Variants in SORCS2 observed in about 807,000 individuals in gnomAD.
The protein encoded by SORCS2 is VPS10 domain-containing receptor SorCS2.
SORCS2 carries 100 observed loss-of-function variants against 141.6 expected under a neutral mutation model. The ratio of observed to expected loss-of-function variants is 0.71; its 90% CI spans 0.60 to 0.83. The LOEUF is 0.83. Ranked by LOEUF, SORCS2 falls within the 40% of genes least tolerant of loss-of-function variation. The pLI is 0.00. For missense variants in SORCS2, 1,646 were observed against 1,560.2 expected (o/e 1.05, Z -0.93); for synonymous variants, 789 against 676.9 (o/e 1.17, Z -2.57).
intron 2 of SORCS2, among the ~76,000 whole-genome samples, chr4:7,507,740 C>T (rs1309970425): frequency 9.3e-6 from 1 of 107,408 alleles, no homozygotes; most frequent in Non-Finnish European, 2.1e-5. Flanking sequence ...CCATTTTGTA[C>T]TTCCAATGGG....
chr4:7,340,813 C>T (rs374396741), intron 1 of SORCS2, among the ~76,000 whole-genome samples: 3 of 152,338 alleles, frequency 2.0e-5, no homozygotes, highest in South Asian at 4.1e-4. Context: ...GCTTGGGACC[C>T]ATTGAGAAAT....
Position 7,677,874 on chromosome 4 carries a change from A to C in SORCS2, c.1341+1645A>C, listed in dbSNP as rs150505128. ...GCCCACCCCCACCCCTAGTGTCCCAAAGGCCCTGCCCTCTGAGCCTCTAGG... is the reference window on the plus strand; with the variant it reads ...GCCCACCCCCACCCCTAGTGTCCCACAGGCCCTGCCCTCTGAGCCTCTAGG... On this transcript the variant is annotated intron_variant, in intron 9 of 26. Transcript: ENST00000507866. Among the ~76,000 whole-genome samples the C allele has an allele frequency of 5.3e-5, 8 of 152,178 alleles. No individual in the cohort carries two copies. The South Asian group carries it at 1.2e-3, about 24-fold the overall frequency.
chr4:7,249,842 AG>A (rs1713365576), intron 1 of SORCS2, among the ~76,000 whole-genome samples: 1 of 152,158 alleles, frequency 6.6e-6, no homozygotes, highest in South Asian at 2.1e-4. Context: ...CTCTGGTAAA[AG>A]CTGGATTTAT....
rs189768238 is a variant in SORCS2 at position 7,334,701 on chromosome 4, C to T, written c.481-61587C>T. Among the ~76,000 whole-genome samples the T allele has an allele frequency of 4.4e-3, 673 of 152,224 alleles. 25 individuals carry two copies. The highest frequency in any genetic ancestry group is 0.038 in the Admixed American group (576 of 15,290). ...ACGGTCACTGCCTTCCTGTGGTCAC[C>T]GACCAACCCAAGGCAGCCCATAATG... On this transcript the variant is annotated intron_variant, in intron 1 of 26. Transcript: ENST00000507866.
chr4:7,260,149 G>C (rs1217745171), intron 1 of SORCS2, among the ~76,000 whole-genome samples: 1 of 152,208 alleles, frequency 6.6e-6, no homozygotes, highest in Non-Finnish European at 1.5e-5. Context: ...CCCATGTGTG[G>C]GAACTTTTCT....
At chr4:7,689,095 G>A (rs1156621577) in intron 10 of SORCS2, among the ~76,000 whole-genome samples, 4 of 152,144 alleles carry the variant, frequency 2.6e-5, no homozygotes, top group Admixed American at 2.0e-4. Context: ...CACTTGACCC[G>A]GCACTTGGGC....
chr4:7,572,415 A>ATC (rs1715465017), intron 3 of SORCS2, among the ~76,000 whole-genome samples: 4 of 148,906 alleles, frequency 2.7e-5, no homozygotes, highest in African/African-American at 1.0e-4. Context: ...TAATCATTTA[A>ATC]ACGTAAGTTT....
intron 4 of SORCS2, among the ~76,000 whole-genome samples, chr4:7,650,547 G>A (rs1034743763): frequency 3.3e-5 from 5 of 152,192 alleles, no homozygotes; most frequent in East Asian, 1.9e-4. Context: ...CAGGCCTGCC[G>A]GAGCCCAAGA....
chr4:7,717,368 G>C (rs1269501914), intron 17 of SORCS2, among the ~76,000 whole-genome samples: 1 of 152,212 alleles, frequency 6.6e-6, no homozygotes, highest in Non-Finnish European at 1.5e-5. Flanking sequence ...GATCTGCTCA[G>C]GTCCGCCTCT....
intron 23 of SORCS2, 104 bp downstream of exon 23, chr4:7,729,816 G>A (rs527726045): frequency 2.2e-5 from 32 of 1,461,152 alleles, no homozygotes; most frequent in Middle Eastern, 3.6e-4. Flanking sequence ...GCATAAAGGC[G>A]TCTTTCTCGC....
chr4:7,361,685 TG>T (rs2109024457), intron 1 of SORCS2, among the ~76,000 whole-genome samples: 1 of 149,602 alleles, frequency 6.7e-6, no homozygotes, highest in South Asian at 2.1e-4. Context: ...AGAAGGGGTG[TG>T]GGGGCCCGGG....
At chr4:7,671,183 C>T (rs1013399554) in intron 8 of SORCS2, among the ~76,000 whole-genome samples, 29 of 151,988 alleles carry the variant, frequency 1.9e-4, no homozygotes, top group Non-Finnish European at 5.9e-5. Context: ...AAAATAAGAA[C>T]AAAACATGGC....
At chr4:7,206,047 A>C (rs1380240534) in intron 1 of SORCS2, among the ~76,000 whole-genome samples, 1 of 151,662 alleles carries the variant, frequency 6.6e-6, no homozygotes, top group Non-Finnish European at 1.5e-5. Flanking sequence ...CTCCATCTCA[A>C]AACAAAAACA....
chr4:7,741,085 C>G lies in SORCS2; in HGVS notation c.*821C>G, dbSNP rs913072301. The G allele has an allele frequency of 7.5e-6, 3 of 398,628 alleles. No individual in the cohort carries two copies. The highest frequency in any genetic ancestry group is 6.2e-5 in the African/African-American group (3 of 48,622). 24.7% of individuals were successfully genotyped at this position (398,628 alleles called of 1,614,324 possible). ...GCAGCACCATCCCGCAGGCTTCTCCCACCTGATGGCTGTTCTCCCACCGGG... is the reference window on the plus strand; with the variant it reads ...GCAGCACCATCCCGCAGGCTTCTCCGACCTGATGGCTGTTCTCCCACCGGG... On this transcript the variant is annotated 3_prime_UTR_variant, in exon 27 of 27. Transcript: ENST00000507866.
chr4:7,515,327 G>A (rs1732905433), intron 2 of SORCS2, among the ~76,000 whole-genome samples: 1 of 152,226 alleles, frequency 6.6e-6, no homozygotes, highest in Non-Finnish European at 1.5e-5. Flanking sequence ...TAACCATGGA[G>A]GTGCCCAGTG....
intron 3 of SORCS2, among the ~76,000 whole-genome samples, chr4:7,559,228 T>A (rs1455879428): frequency 6.6e-6 from 1 of 152,166 alleles, no homozygotes; most frequent in Non-Finnish European, 1.5e-5. Flanking sequence ...GTGCCCGCAG[T>A]GCCTCGGGCT....
rs143111989 is a variant in SORCS2, at chr4:7,279,146, A to AT, written c.480+86025dup. 4.5e-3 allele frequency among the ~76,000 whole-genome samples: 678 copies of AT among 152,194 alleles called. 5 individuals carry two copies. Among genetic ancestry groups the AT allele is most frequent in the African/African-American group, 0.016 (644 of 41,494 alleles). On this transcript the variant is annotated intron_variant, in intron 1 of 26. Transcript: ENST00000507866. Reference sequence around the variant, plus strand: ...GGAGTTCTGGAAATACAGTTTACACATTTTTCTGTATTGATACACCCCTCC... The same window carrying AT: ...GGAGTTCTGGAAATACAGTTTACACATTTTTTCTGTATTGATACACCCCTCC...
rs184613080 is a variant in SORCS2 at position 7,653,366 on chromosome 4, C to A, written c.814-768C>A. ...TCAAGTGATTCTCCTGACTCAGCCT[C>A]CCGAGTAGCTGGGATTACAGGCATG... On this transcript the variant is annotated intron_variant, in intron 4 of 26. Coordinates refer to ENST00000507866, the MANE Select transcript of SORCS2 (RefSeq NM_020777.3). 6.3e-3 allele frequency among the ~76,000 whole-genome samples: 965 copies of A among 152,296 alleles called. 9 individuals are homozygous for A. Among genetic ancestry groups the A allele is most frequent in the African/African-American group, 0.022 (897 of 41,564 alleles).
intron 3 of SORCS2, among the ~76,000 whole-genome samples, chr4:7,569,322 C>T (rs1298975081): frequency 3.9e-5 from 6 of 152,112 alleles, no homozygotes; most frequent in Admixed American, 1.3e-4. Context: ...ACCAGCCTGG[C>T]CAACATGGTG....
Sources: allele counts gnomAD v4.1 joint callset (sites outside exome capture counted in the v4.1 genomes callset), GRCh38; gene constraint gnomAD v4.1.1; transcripts MANE v1.5; gene names NCBI Gene and HGNC (gene_info 2026-07-23, HGNC 2026-07-21).